RTN4RL1: variants seen among roughly 807,000 people sequenced by gnomAD.
The protein encoded by RTN4RL1 is reticulon 4 receptor like 1, also known as reticulon-4 receptor-like 1.
In RTN4RL1, 7 loss-of-function variants were observed where a neutral mutation model predicts 25.6. The ratio of observed to expected loss-of-function variants is 0.27; its 90% CI spans 0.16 to 0.51. RTN4RL1 has a LOEUF of 0.51. Ranked by LOEUF, RTN4RL1 falls within the 20% of genes least tolerant of loss-of-function variation. The pLI, the probability that RTN4RL1 is intolerant of heterozygous loss-of-function variation, is 0.97. For missense variants in RTN4RL1, 500 were observed against 615.6 expected (o/e 0.81, Z 1.99); for synonymous variants, 297 against 288.2 (o/e 1.03, Z -0.31).
intron 1 of RTN4RL1, among the ~76,000 whole-genome samples, chr17:1,987,028 C>T (rs1033597142): frequency 6.6e-6 from 1 of 152,182 alleles, no homozygotes; most frequent in African/African-American, 2.4e-5. Flanking sequence ...ACAAGGGGAC[C>T]AAGTGGGGTT....
intron 1 of RTN4RL1, among the ~76,000 whole-genome samples, chr17:1,974,395 A>G (rs889068540): frequency 7.2e-5 from 11 of 152,364 alleles, no homozygotes; most frequent in Non-Finnish European, 2.9e-5. Context: ...TATCTCAAAA[A>G]CAGAACAAAC....
intron 1 of RTN4RL1, among the ~76,000 whole-genome samples, chr17:1,990,617 C>T (rs1399477144): frequency 6.6e-6 from 1 of 152,060 alleles, no homozygotes; most frequent in Non-Finnish European, 1.5e-5. Context: ...GGGAGGATCG[C>T]TTGAGCCCAG....
intron 1 of RTN4RL1, among the ~76,000 whole-genome samples, chr17:2,000,286 G>A (rs1453118795): frequency 1.3e-5 from 2 of 152,224 alleles, no homozygotes; most frequent in Non-Finnish European, 2.9e-5. Flanking sequence ...ATGGGGCAGA[G>A]GAAGGAATGT....
At chr17:2,014,689 G>A (rs373941370) in intron 1 of RTN4RL1, among the ~76,000 whole-genome samples, 11 of 152,104 alleles carry the variant, frequency 7.2e-5, no homozygotes, top group Non-Finnish European at 1.2e-4. Context: ...AAAATTAGCC[G>A]GGTGTGGTGG....
chr17:2,022,656 C>T (rs1388166827), intron 1 of RTN4RL1, among the ~76,000 whole-genome samples: 1 of 152,232 alleles, frequency 6.6e-6, no homozygotes, highest in African/African-American at 2.4e-5. Context: ...GAGAAAACTG[C>T]CTGCCCAGGA....
intron 1 of RTN4RL1, among the ~76,000 whole-genome samples, chr17:1,991,754 G>A (rs184691351): frequency 6.6e-6 from 1 of 152,162 alleles, no homozygotes; most frequent in Non-Finnish European, 1.5e-5. Flanking sequence ...CCATCGCACG[G>A]GGGTGTTGTC....
chr17:1,973,093 C>T (rs977872430), intron 1 of RTN4RL1, among the ~76,000 whole-genome samples: 8 of 152,092 alleles, frequency 5.3e-5, no homozygotes, highest in Admixed American at 2.0e-4. Flanking sequence ...CTGGGCACGG[C>T]GGCTCATGCC....
rs764945936 is a variant in RTN4RL1 at position 1,936,551 on chromosome 17, G to C, written c.1271C>G (p.Ser424Cys). 13 of 1,557,454 alleles carry C rather than the reference G, an allele frequency of 8.3e-6. No homozygotes were observed. The highest frequency in any genetic ancestry group is 1.9e-5 in the Admixed American group (1 of 51,828). Reference sequence around the variant, plus strand: ...CCAGGCCAGGAGGGAGGCCCCCAGGGAACTGGCCGAGGAGGCCTGCTGCAC... The same window carrying C: ...CCAGGCCAGGAGGGAGGCCCCCAGGCAACTGGCCGAGGAGGCCTGCTGCAC... ...SGVQQASSAS[S>C]LGASLLAWTL... Residue 424 changes from serine to cysteine, a missense_variant, in exon 2 of 2, where the codon TCC becomes TGC. Physicochemically the swap from Ser to Cys is moderately radical, Grantham distance 112. Coordinates refer to ENST00000331238, the MANE Select transcript of RTN4RL1 (RefSeq NM_178568.4).
chr17:2,024,840 G>A lies in RTN4RL1; in HGVS notation c.13+13C>T, dbSNP rs200967157. ...GCATTCAACTTCAACTTGCCCCTGC[G>A]GCTCCAACTCACCTTTGCGAAGCAT... On this transcript the variant is annotated intron_variant, in intron 1 of 1. Coordinates refer to ENST00000331238, the MANE Select transcript of RTN4RL1 (RefSeq NM_178568.4). 8.9e-6 allele frequency: 14 copies of A among 1,576,644 alleles called. No homozygotes were observed. The African/African-American group carries it at 1.1e-4, about 12-fold the overall frequency.
intron 1 of RTN4RL1, among the ~76,000 whole-genome samples, chr17:2,022,804 C>T (rs1435251923): frequency 6.6e-6 from 1 of 152,226 alleles, no homozygotes; most frequent in Admixed American, 6.5e-5. Context: ...ATCGGTGGAA[C>T]CTCTTCAGCC....
At chr17:1,968,654 A>C in intron 1 of RTN4RL1, among the ~76,000 whole-genome samples, 1 of 151,458 alleles carries the variant, frequency 6.6e-6, no homozygotes, top group Non-Finnish European at 1.5e-5. Flanking sequence ...CTGGGGTCAC[A>C]CCATCCCCTC....
chr17:1,990,726 A>G (rs1007739852), intron 1 of RTN4RL1, among the ~76,000 whole-genome samples: 1 of 152,188 alleles, frequency 6.6e-6, no homozygotes, highest in Non-Finnish European at 1.5e-5. Context: ...CTGTAATACA[A>G]TCAAGGCTAA....
At chr17:1,949,018 A>T (rs1215790313) in intron 1 of RTN4RL1, among the ~76,000 whole-genome samples, 1 of 149,010 alleles carries the variant, frequency 6.7e-6, no homozygotes, top group Non-Finnish European at 1.5e-5. Flanking sequence ...GTGCAGTGGC[A>T]TGATCTCGGC....
At chr17:1,992,178 C>A (rs1391145555) in intron 1 of RTN4RL1, among the ~76,000 whole-genome samples, 3 of 151,934 alleles carry the variant, frequency 2.0e-5, no homozygotes, top group Non-Finnish European at 4.4e-5. Flanking sequence ...TCCTGGCTAA[C>A]ACGGTGAAAC....
At chr17:1,942,727 A>G (rs891560944) in intron 1 of RTN4RL1, among the ~76,000 whole-genome samples, 4 of 152,070 alleles carry the variant, frequency 2.6e-5, no homozygotes, top group African/African-American at 9.7e-5. Flanking sequence ...GGGGCAGCTC[A>G]GGCGGGTGGC....
At chr17:1,997,996 G>C (rs2066937277) in intron 1 of RTN4RL1, among the ~76,000 whole-genome samples, 1 of 152,112 alleles carries the variant, frequency 6.6e-6, no homozygotes, top group Non-Finnish European at 1.5e-5. Flanking sequence ...CCTGGGGGCG[G>C]GCAGCGATGT....
chr17:1,937,236 G>A lies in RTN4RL1; in HGVS notation c.586C>T (p.Leu196=). The A allele has an allele frequency of 6.2e-7, 1 of 1,612,242 alleles. No individual in the cohort carries two copies. Among genetic ancestry groups the A allele is most frequent in the African/African-American group, 1.3e-5 (1 of 75,048 alleles). Reference sequence around the variant, plus strand: ...AGCAAAAGACGGTCCAGGTTCACCAGGCCCCGGAAGGTGCCCGGGCCCAGA... The same window carrying A: ...AGCAAAAGACGGTCCAGGTTCACCAAGCCCCGGAAGGTGCCCGGGCCCAGA... ...WSLGPGTFRG[L]VNLDRLLLHE... The change falls in exon 2 of 2, where the codon CTG becomes TTG. Residue 196 remains leucine (L), a synonymous_variant. Coordinates refer to ENST00000331238, the MANE Select transcript of RTN4RL1 (RefSeq NM_178568.4).
At chr17:1,980,113 G>GAGTGCAGTGCCACA (rs1359115801) in intron 1 of RTN4RL1, among the ~76,000 whole-genome samples, 2 of 151,824 alleles carry the variant, frequency 1.3e-5, no homozygotes, top group Non-Finnish European at 2.9e-5. Context: ...GCCCAGCCTG[G>GAGTGCAGTGCCACA]AGTGCAGTGC....
intron 1 of RTN4RL1, among the ~76,000 whole-genome samples, chr17:1,946,585 G>A (rs1352798688): frequency 2.0e-5 from 3 of 151,106 alleles, no homozygotes; most frequent in Non-Finnish European, 4.4e-5. Flanking sequence ...TGTGTGCACG[G>A]GGTCTGTGTG....
Sources: allele counts gnomAD v4.1 joint callset (sites outside exome capture counted in the v4.1 genomes callset), GRCh38; gene constraint gnomAD v4.1.1; transcripts MANE v1.5; gene names NCBI Gene and HGNC (gene_info 2026-07-23, HGNC 2026-07-21).